CDH8: variants seen among roughly 807,000 people sequenced by gnomAD.
CDH8 encodes the protein cadherin 8.
In CDH8, 17 loss-of-function variants were observed where a neutral mutation model predicts 68.1. That is an observed-to-expected ratio of 0.25 (90% CI 0.17 to 0.37). The LOEUF (loss-of-function observed/expected upper bound fraction) is 0.37. CDH8 is among the 10% of genes least tolerant of loss of function. The pLI, the probability that CDH8 is intolerant of heterozygous loss-of-function variation, is 1.00. For synonymous variants in CDH8, 372 were observed against 365.1 expected (o/e 1.02, Z -0.21); for missense variants, 763 against 999.3 (o/e 0.76, Z 3.19).
chr16:61,774,033 AT>A (rs2142989325), intron 8 of CDH8, among the ~76,000 whole-genome samples: 1 of 152,118 alleles, frequency 6.6e-6, no homozygotes, highest in African/African-American at 2.4e-5. Flanking sequence ...ATTGGTGCCT[AT>A]TTTTAGCCCC....
chr16:61,991,569 C>G (rs1965721775), intron 2 of CDH8, among the ~76,000 whole-genome samples: 1 of 152,200 alleles, frequency 6.6e-6, no homozygotes, highest in African/African-American at 2.4e-5. Context: ...ACATCGTCAT[C>G]TACTTTACAG....
chr16:61,705,898 A>T (rs1199268818), intron 10 of CDH8, among the ~76,000 whole-genome samples: 1 of 152,242 alleles, frequency 6.6e-6, no homozygotes, highest in Non-Finnish European at 1.5e-5. Context: ...AATTGTTATA[A>T]GACAGAGTCC....
At chr16:61,659,820 G>A (rs1311138540) in intron 10 of CDH8, among the ~76,000 whole-genome samples, 2 of 152,150 alleles carry the variant, frequency 1.3e-5, no homozygotes. Context: ...AGCCTCTGGA[G>A]CCCACTTGGG....
chr16:61,680,849 A>G (rs905408630), intron 10 of CDH8, among the ~76,000 whole-genome samples: 7 of 151,978 alleles, frequency 4.6e-5, no homozygotes, highest in African/African-American at 1.7e-4. Flanking sequence ...ATATTAATAA[A>G]TATTTGTGGC....
At chr16:61,950,693 G>A (rs775499376) in intron 2 of CDH8, among the ~76,000 whole-genome samples, 105 of 152,050 alleles carry the variant, frequency 6.9e-4, no homozygotes, top group Admixed American at 3.3e-3. Context: ...CATTAAAACC[G>A]CATATTCACT....
intron 11 of CDH8, 130 bp from the exon 12 acceptor site, chr16:61,654,231 T>G: frequency 1.4e-6 from 1 of 738,852 alleles, no homozygotes; most frequent in Non-Finnish European, 2.2e-6. Flanking sequence ...TAATATTTAC[T>G]AGAAAATTAA....
At chr16:61,687,941 A>C (rs1007190795) in intron 10 of CDH8, among the ~76,000 whole-genome samples, 1 of 152,042 alleles carries the variant, frequency 6.6e-6, no homozygotes, top group Non-Finnish European at 1.5e-5. Flanking sequence ...CACCTCTTAA[A>C]GGTGAGGAAA....
intron 8 of CDH8, among the ~76,000 whole-genome samples, chr16:61,741,172 TG>T (rs776199589): frequency 2.5e-4 from 38 of 152,292 alleles, no homozygotes; most frequent in Admixed American, 5.9e-4. Context: ...CCTTTTCTTA[TG>T]TTTACTGGCC....
chr16:61,875,520 A>G (rs1300747998), intron 3 of CDH8, among the ~76,000 whole-genome samples: 2 of 152,208 alleles, frequency 1.3e-5, no homozygotes, highest in African/African-American at 4.8e-5. Flanking sequence ...CAGAGGTATC[A>G]TCTATAACCT....
intron 4 of CDH8, among the ~76,000 whole-genome samples, chr16:61,853,062 T>A (rs2143013747): frequency 6.6e-6 from 1 of 152,148 alleles, no homozygotes; most frequent in Non-Finnish European, 1.5e-5. Context: ...TCTAGCATGG[T>A]AATTAACTTA....
intron 9 of CDH8, among the ~76,000 whole-genome samples, chr16:61,715,921 G>C (rs1964722517): frequency 6.6e-6 from 1 of 151,648 alleles, no homozygotes; most frequent in African/African-American, 2.4e-5. Flanking sequence ...TCAAGGGAAT[G>C]ACTATCTTTG....
intron 2 of CDH8, among the ~76,000 whole-genome samples, chr16:61,978,288 C>A (rs907094825): frequency 2.0e-5 from 3 of 152,072 alleles, no homozygotes. Flanking sequence ...TCACATTTTC[C>A]TTAGTCCATT....
intron 4 of CDH8, among the ~76,000 whole-genome samples, chr16:61,827,753 C>A (rs1962371796): frequency 6.6e-6 from 1 of 151,694 alleles, no homozygotes. Context: ...CTTCATACTA[C>A]CTAAGATGCA....
At chr16:61,880,284 A>C (rs2143121015) in intron 3 of CDH8, among the ~76,000 whole-genome samples, 1 of 152,330 alleles carries the variant, frequency 6.6e-6, no homozygotes, top group Admixed American at 6.5e-5. Flanking sequence ...CTGGAAGGGT[A>C]AATAAAAGTT....
At chr16:61,673,656 C>A (rs1382331847) in intron 10 of CDH8, among the ~76,000 whole-genome samples, 5 of 151,984 alleles carry the variant, frequency 3.3e-5, no homozygotes, top group African/African-American at 1.2e-4. Context: ...CTTTCTTGTC[C>A]ATGGAAGAAA....
intron 10 of CDH8, among the ~76,000 whole-genome samples, chr16:61,712,790 T>A (rs1964655048): frequency 6.6e-6 from 1 of 151,636 alleles, no homozygotes; most frequent in East Asian, 1.9e-4. Flanking sequence ...TCATCCACAT[T>A]TATCAAAGCG....
chr16:62,019,065 A>G lies in CDH8; in HGVS notation c.252+2087T>C, dbSNP rs137880275. Among the ~76,000 whole-genome samples, 55 of 152,360 alleles carry G rather than the reference A, an allele frequency of 3.6e-4. 2 individuals carry two copies. The East Asian group carries it at 8.3e-3, about 23-fold the overall frequency. On this transcript the variant is annotated intron_variant, in intron 2 of 11. Transcript: ENST00000577390. ...CATTATGCAAGACACAGTCAGAGTGATATACCTTCATAAAAAGATAACTAA... is the reference window on the plus strand; with the variant it reads ...CATTATGCAAGACACAGTCAGAGTGGTATACCTTCATAAAAAGATAACTAA...
chr16:61,804,732 A>T (rs1395262581), intron 7 of CDH8, among the ~76,000 whole-genome samples: 1 of 147,846 alleles, frequency 6.8e-6, no homozygotes, highest in Non-Finnish European at 1.5e-5. Flanking sequence ...AAATGGATAC[A>T]TTCCTCGACA....
chr16:61,779,343 T>A (rs906182145), intron 8 of CDH8, among the ~76,000 whole-genome samples: 9 of 151,420 alleles, frequency 5.9e-5, no homozygotes, highest in African/African-American at 1.7e-4. Context: ...GGGAAAATTT[T>A]AAAAAAAAGA....
Sources: gnomAD v4.1 joint callset for allele counts (sites outside exome capture counted in the v4.1 genomes callset) on GRCh38, gnomAD v4.1.1 for gene constraint, MANE v1.5 for transcripts, NCBI Gene and HGNC (gene_info 2026-07-23, HGNC 2026-07-21) for gene names.